RABGAP1L: variants seen among roughly 807,000 people sequenced by gnomAD.
RABGAP1L encodes the protein rab GTPase-activating protein 1-like.
A neutral mutation model predicts 137.7 loss-of-function variants in RABGAP1L; 63 were observed. That is an observed-to-expected ratio of 0.46 (90% CI 0.37 to 0.56). RABGAP1L has a LOEUF of 0.56. RABGAP1L is among the 20% of genes least tolerant of loss of function. The pLI, the probability that RABGAP1L is intolerant of heterozygous loss-of-function variation, is 0.00. For synonymous variants in RABGAP1L, 431 were observed against 433.7 expected (o/e 0.99, Z 0.08); for missense variants, 1,095 against 1,244.0 (o/e 0.88, Z 1.80).
chr1:174,658,034 G>T (rs1464502098), intron 14 of RABGAP1L, among the ~76,000 whole-genome samples: 1 of 152,154 alleles, frequency 6.6e-6, no homozygotes, highest in Admixed American at 6.5e-5. Flanking sequence ...TCTGATGTCT[G>T]CCAGACTGCT....
At chr1:174,441,412 A>G (rs780704188) in intron 13 of RABGAP1L, among the ~76,000 whole-genome samples, 18 of 152,112 alleles carry the variant, frequency 1.2e-4, no homozygotes, top group Admixed American at 6.6e-4. Flanking sequence ...CTATCGGAAA[A>G]AAGTATGGTA....
At chr1:174,434,529 A>G (rs1653036978) in intron 13 of RABGAP1L, among the ~76,000 whole-genome samples, 1 of 152,216 alleles carries the variant, frequency 6.6e-6, no homozygotes, top group Non-Finnish European at 1.5e-5. Context: ...TTAATGTCAT[A>G]AGAAAATTCC....
intron 13 of RABGAP1L, among the ~76,000 whole-genome samples, chr1:174,453,511 G>T (rs947032347): frequency 6.6e-6 from 1 of 152,170 alleles, no homozygotes; most frequent in Non-Finnish European, 1.5e-5. Flanking sequence ...AAATCTGCTG[G>T]TATAACATTC....
chr1:174,338,870 TAAAAGGTTGTAATAAA>T (rs1382708172), intron 11 of RABGAP1L, among the ~76,000 whole-genome samples: 1 of 152,110 alleles, frequency 6.6e-6, no homozygotes, highest in Non-Finnish European at 1.5e-5. Flanking sequence ...TTTGCACTTT[TAAAAGGTTGTAATAAA>T]AAAAGAAGAA....
At chr1:174,168,514 A>G (rs773052340) in intron 1 of RABGAP1L, among the ~76,000 whole-genome samples, 9 of 151,674 alleles carry the variant, frequency 5.9e-5, no homozygotes, top group African/African-American at 2.2e-4. Context: ...AATCTCTCAT[A>G]TTTGCCCTGA....
At chr1:174,269,032 T>A (rs915926053) in intron 7 of RABGAP1L, among the ~76,000 whole-genome samples, 1 of 152,076 alleles carries the variant, frequency 6.6e-6, no homozygotes, top group African/African-American at 2.4e-5. Context: ...AAGCTCTGCC[T>A]CCCCGGTTCA....
chr1:174,327,367 T>G (rs987421716), intron 11 of RABGAP1L, among the ~76,000 whole-genome samples: 1 of 152,046 alleles, frequency 6.6e-6, no homozygotes, highest in African/African-American at 2.4e-5. Flanking sequence ...AATTATGATA[T>G]CAAAATATGA....
chr1:174,425,051 C>T (rs1651793626), intron 13 of RABGAP1L, among the ~76,000 whole-genome samples: 2 of 151,968 alleles, frequency 1.3e-5, no homozygotes. Flanking sequence ...ATACAAAATA[C>T]TATTTGAGAT....
chr1:174,383,561 G>A (rs1686417965), intron 12 of RABGAP1L, among the ~76,000 whole-genome samples: 2 of 152,164 alleles, frequency 1.3e-5, no homozygotes, highest in African/African-American at 4.8e-5. Context: ...TTCCAGGTGC[G>A]TCCGTCACCG....
At chr1:174,572,958 A>C (rs1051600038) in intron 13 of RABGAP1L, among the ~76,000 whole-genome samples, 1 of 146,776 alleles carries the variant, frequency 6.8e-6, no homozygotes, top group African/African-American at 2.5e-5. Flanking sequence ...AATTAAGCCA[A>C]TTCCTTCATT....
At chr1:174,214,094 T>TA (rs1277833576) in intron 1 of RABGAP1L, among the ~76,000 whole-genome samples, 1 of 152,166 alleles carries the variant, frequency 6.6e-6, no homozygotes, top group Non-Finnish European at 1.5e-5. Context: ...TGGAAAAACC[T>TA]AAAGACTCCA....
intron 13 of RABGAP1L, among the ~76,000 whole-genome samples, chr1:174,481,032 T>C (rs377201090): frequency 1.4e-4 from 21 of 152,328 alleles, no homozygotes; most frequent in Admixed American, 2.6e-4. Flanking sequence ...TTTTTTACTC[T>C]CACCTTTCTT....
At chr1:174,681,945 AT>A (rs1273808182) in intron 14 of RABGAP1L, among the ~76,000 whole-genome samples, 1 of 152,228 alleles carries the variant, frequency 6.6e-6, no homozygotes, top group African/African-American at 2.4e-5. Flanking sequence ...GATGAGATAC[AT>A]ATCCTGGATT....
At chr1:174,229,076 A>G (rs532025070) in intron 3 of RABGAP1L, among the ~76,000 whole-genome samples, 1 of 152,190 alleles carries the variant, frequency 6.6e-6, no homozygotes, top group Non-Finnish European at 1.5e-5. Context: ...AAGCAATCGT[A>G]GATTCATTCA....
At chr1:174,462,524 T>C (rs543474216) in intron 13 of RABGAP1L, among the ~76,000 whole-genome samples, 2 of 152,298 alleles carry the variant, frequency 1.3e-5, no homozygotes, top group Admixed American at 1.3e-4. Context: ...GCAAATGTGA[T>C]ATACATTTTT....
intron 8 of RABGAP1L, among the ~76,000 whole-genome samples, chr1:174,274,528 T>G (rs114772346): frequency 1.5e-3 from 233 of 152,066 alleles, no homozygotes; most frequent in Admixed American, 2.3e-3. Context: ...ATAAGTACGG[T>G]GTATTCTATT....
chr1:174,186,252 A>C (rs1157883306), intron 1 of RABGAP1L, among the ~76,000 whole-genome samples: 2 of 152,200 alleles, frequency 1.3e-5, no homozygotes, highest in Non-Finnish European at 2.9e-5. Context: ...ATTTTGATAA[A>C]GATGAAAGAT....
chr1:174,648,698 T>C (rs938192881), intron 14 of RABGAP1L, among the ~76,000 whole-genome samples: 1 of 152,170 alleles, frequency 6.6e-6, no homozygotes. Flanking sequence ...TGGAGAATTC[T>C]GTAGATATCT....
At chr1:174,438,433 A>G (rs978594676) in intron 13 of RABGAP1L, among the ~76,000 whole-genome samples, 6 of 152,010 alleles carry the variant, frequency 3.9e-5, no homozygotes, top group African/African-American at 1.4e-4. Flanking sequence ...GCATAAAGCT[A>G]GTAGGCTGGG....
Sources: allele counts gnomAD v4.1 joint callset (sites outside exome capture counted in the v4.1 genomes callset), GRCh38; gene constraint gnomAD v4.1.1; transcripts MANE v1.5; gene names NCBI Gene and HGNC (gene_info 2026-07-23, HGNC 2026-07-21).